Variants in PPP6R3 observed in about 807,000 individuals in gnomAD.
The protein encoded by PPP6R3 is protein phosphatase 6 regulatory subunit 3.
In PPP6R3, 38 loss-of-function variants were observed where a neutral mutation model predicts 110.7. The observed-to-expected ratio is 0.34, with a 90% CI of 0.26 to 0.45. The LOEUF is 0.45. Among genes scored for constraint, PPP6R3 ranks in the 20% least tolerant of loss-of-function variants. The probability of loss-of-function intolerance (pLI) is 1.00; values close to 1 mark genes in which losing one functional copy is unlikely to be tolerated. For missense variants in PPP6R3, 870 were observed against 1,062.4 expected (o/e 0.82, Z 2.52); for synonymous variants, 369 against 373.5 (o/e 0.99, Z 0.14).
At chr11:68,548,783 T>G (rs745703106) in intron 5 of PPP6R3, among the ~76,000 whole-genome samples, 3 of 152,150 alleles carry the variant, frequency 2.0e-5, no homozygotes, top group Non-Finnish European at 4.4e-5. Flanking sequence ...TGAATAGATG[T>G]CTCAGGTAGA....
intron 3 of PPP6R3, among the ~76,000 whole-genome samples, chr11:68,542,417 A>G (rs1392951192): frequency 0.016 from 12 of 768 alleles, no homozygotes. Flanking sequence ...TTTTTAAGAC[A>G]GAGTCTTGCT....
intron 6 of PPP6R3, among the ~76,000 whole-genome samples, chr11:68,552,209 G>T (rs1254416080): frequency 6.6e-6 from 1 of 152,200 alleles, no homozygotes; most frequent in African/African-American, 2.4e-5. Flanking sequence ...AAAGGAGTTG[G>T]TTTAAGGGCA....
intron 1 of PPP6R3, among the ~76,000 whole-genome samples, chr11:68,506,767 T>C (rs1398424320): frequency 3.3e-5 from 5 of 152,216 alleles, no homozygotes; most frequent in Non-Finnish European, 7.3e-5. Flanking sequence ...TACACTTATC[T>C]CAGATAATAA....
intron 23 of PPP6R3, among the ~76,000 whole-genome samples, chr11:68,612,728 T>C (rs1944207060): frequency 6.6e-6 from 1 of 152,144 alleles, no homozygotes; most frequent in South Asian, 2.1e-4. Context: ...GGTGAACACA[T>C]AGCTCCTGAA....
intron 19 of PPP6R3, among the ~76,000 whole-genome samples, chr11:68,598,900 G>A (rs1398507594): frequency 1.3e-5 from 2 of 152,152 alleles, no homozygotes; most frequent in Admixed American, 1.3e-4. Flanking sequence ...TGTCAGTGGA[G>A]CCCTGTGACA....
intron 8 of PPP6R3, among the ~76,000 whole-genome samples, chr11:68,559,492 C>T (rs545451745): frequency 5.3e-5 from 8 of 152,312 alleles, no homozygotes; most frequent in African/African-American, 1.4e-4. Context: ...GCATCCTTAG[C>T]ATATGAAACT....
intron 2 of PPP6R3, among the ~76,000 whole-genome samples, chr11:68,521,231 AT>A (rs1437167026): frequency 2.0e-5 from 3 of 151,924 alleles, no homozygotes; most frequent in Non-Finnish European, 2.9e-5. Context: ...TTTTAGGATT[AT>A]TTTTTTCTCT....
intron 3 of PPP6R3, among the ~76,000 whole-genome samples, chr11:68,543,250 A>G (rs925814605): frequency 1.3e-5 from 2 of 151,932 alleles, no homozygotes; most frequent in Non-Finnish European, 2.9e-5. Context: ...AGCTAGTGTG[A>G]CTCTAGTAGC....
At chr11:68,596,603 C>G (rs1418782330) in intron 19 of PPP6R3, among the ~76,000 whole-genome samples, 1 of 152,174 alleles carries the variant, frequency 6.6e-6, no homozygotes, top group Non-Finnish European at 1.5e-5. Flanking sequence ...GTGGAATCAG[C>G]CAGGGGACGC....
In PPP6R3 at chr11:68,603,361, G is replaced by C; in HGVS notation, c.2319G>C (p.Met773Ile). Residue 773 changes from methionine (M) to isoleucine (I), a missense_variant, in exon 22 of 24, where the codon ATG (methionine) becomes ATC (isoleucine). Met to Ile is a conservative substitution (Grantham distance 10). Coordinates refer to ENST00000393800, the MANE Select transcript of PPP6R3 (RefSeq NM_001164161.2). ...VQPEAAGSVA[M>I]EASSDGEEDA... ...TTTCAGCGGCAGGCAGTGTGGCCAT[G>C]GAAGCCAGCTCTGACGGAGAGGAGG... 1 of 1,613,978 alleles carries C rather than the reference G, an allele frequency of 6.2e-7. No homozygotes were observed. Among genetic ancestry groups the C allele is most frequent in the Non-Finnish European group, 8.5e-7 (1 of 1,179,996 alleles).
chr11:68,540,328 G>A lies in PPP6R3; in HGVS notation c.227+2437G>A, dbSNP rs201355462. On this transcript the variant is annotated intron_variant, in intron 3 of 23. Coordinates refer to ENST00000393800, the MANE Select transcript of PPP6R3 (RefSeq NM_001164161.2). ...CCGGGGGAGACATCACATGTCAGTA[G>A]GTTCCGTGATGCCCCACAAGCCACA... 3.3e-5 allele frequency among the ~76,000 whole-genome samples: 5 copies of A among 152,146 alleles called. No homozygotes were observed. The East Asian group carries it at 9.6e-4, about 29-fold the overall frequency.
chr11:68,597,010 C>A (rs2099615742), intron 19 of PPP6R3, among the ~76,000 whole-genome samples: 1 of 152,188 alleles, frequency 6.6e-6, no homozygotes. Context: ...GAGAGATCTT[C>A]TTTCTGCTGC....
At chr11:68,610,674 A>T (rs1000238492) in intron 23 of PPP6R3, among the ~76,000 whole-genome samples, 3 of 152,198 alleles carry the variant, frequency 2.0e-5, no homozygotes, top group Non-Finnish European at 4.4e-5. Context: ...CCAGGCCCTT[A>T]GCAAGACTGA....
chr11:68,496,863 T>C (rs1245364244), intron 1 of PPP6R3, among the ~76,000 whole-genome samples: 1 of 128,996 alleles, frequency 7.8e-6, no homozygotes, highest in Non-Finnish European at 1.6e-5. Context: ...CTTTTTTTTT[T>C]TTTTTTTTTT....
At chr11:68,519,318 A>T (rs1565564763) in intron 1 of PPP6R3, among the ~76,000 whole-genome samples, 183 bp from the exon 2 acceptor site, 1 of 152,196 alleles carries the variant, frequency 6.6e-6, no homozygotes, top group Non-Finnish European at 1.5e-5. Context: ...TAAGGTAGAG[A>T]GATGACAGTG....
At chr11:68,501,267 G>A (rs1230274570) in intron 1 of PPP6R3, among the ~76,000 whole-genome samples, 1 of 152,176 alleles carries the variant, frequency 6.6e-6, no homozygotes, top group East Asian at 1.9e-4. Flanking sequence ...AAACTTTCAT[G>A]ATGAAAAGTT....
intron 19 of PPP6R3, among the ~76,000 whole-genome samples, chr11:68,596,992 GAGA>G (rs1309410785): frequency 2.0e-5 from 3 of 152,242 alleles, no homozygotes; most frequent in Non-Finnish European, 4.4e-5. Flanking sequence ...AACGGGATGG[GAGA>G]AGAAGAGAGA....
chr11:68,464,051 A>G (rs1334066331), intron 1 of PPP6R3, among the ~76,000 whole-genome samples: 1 of 152,212 alleles, frequency 6.6e-6, no homozygotes, highest in African/African-American at 2.4e-5. Flanking sequence ...GGCCTACATT[A>G]GAATAAGCCT....
intron 1 of PPP6R3, among the ~76,000 whole-genome samples, chr11:68,483,386 C>G (rs1591791802): frequency 6.6e-6 from 1 of 152,194 alleles, no homozygotes; most frequent in Admixed American, 6.5e-5. Context: ...CCCATATACT[C>G]CTGTCCCCAC....
Sources: allele counts gnomAD v4.1 joint callset (sites outside exome capture counted in the v4.1 genomes callset), GRCh38; gene constraint gnomAD v4.1.1; transcripts MANE v1.5; gene names NCBI Gene and HGNC (gene_info 2026-07-23, HGNC 2026-07-21).